FBXL2: variants seen among roughly 807,000 people sequenced by gnomAD.
FBXL2 encodes F-box and leucine rich repeat protein 2.
A neutral mutation model predicts 69.2 loss-of-function variants in FBXL2; 38 were observed. The ratio of observed to expected loss-of-function variants is 0.55; its 90% CI spans 0.42 to 0.72. The LOEUF is 0.72. Among genes scored for constraint, FBXL2 ranks in the 30% least tolerant of loss-of-function variants. FBXL2 has a pLI of 0.00. For synonymous variants in FBXL2, 192 were observed against 201.3 expected, an observed-to-expected ratio of 0.95 and a Z score of 0.39; for missense variants, 354 against 520.3, an observed-to-expected ratio of 0.68 and a Z score of 3.11.
intron 1 of FBXL2, among the ~76,000 whole-genome samples, chr3:33,290,476 C>G (rs2035111171): frequency 6.6e-6 from 1 of 151,752 alleles, no homozygotes; most frequent in Non-Finnish European, 1.5e-5. Context: ...CAGTGATGGC[C>G]CAGATGTTGA....
At chr3:33,339,563 G>A (rs1471076060) in intron 2 of FBXL2, among the ~76,000 whole-genome samples, 1 of 152,284 alleles carries the variant, frequency 6.6e-6, no homozygotes, top group East Asian at 1.9e-4. Flanking sequence ...TGGAGGGTAA[G>A]AGGAGGGTGA....
intron 2 of FBXL2, among the ~76,000 whole-genome samples, chr3:33,351,340 A>G (rs1441777212): frequency 6.6e-6 from 1 of 152,216 alleles, no homozygotes; most frequent in Non-Finnish European, 1.5e-5. Context: ...TAACATTAAT[A>G]TTACAAAAGT....
intron 2 of FBXL2, among the ~76,000 whole-genome samples, chr3:33,310,764 A>T (rs1370695358): frequency 1.3e-5 from 2 of 151,474 alleles, no homozygotes; most frequent in African/African-American, 4.9e-5. Context: ...GGTTTTTTTA[A>T]AAAAAATTAT....
chr3:33,291,826 A>C (rs946032354), intron 1 of FBXL2, among the ~76,000 whole-genome samples: 10 of 152,226 alleles, frequency 6.6e-5, no homozygotes. Context: ...AAAATCAACC[A>C]TGTCAGTAAT....
At chr3:33,417,961 G>A in the FBXL2 span, among the ~76,000 whole-genome samples, 6 of 152,118 alleles carry the variant, frequency 3.9e-5, no homozygotes, top group African/African-American at 9.7e-5. Flanking sequence ...CTGTTACAAA[G>A]AAAAGTTGCT....
At chr3:33,403,228 T>C (rs764064413) in intron 12 of FBXL2, 25 of 252,410 alleles carry the variant, frequency 9.9e-5, no homozygotes, top group Admixed American at 6.4e-4. Flanking sequence ...GTATCCTCTT[T>C]ATCAGTTTCC....
chr3:33,375,389 A>T lies in FBXL2; in HGVS notation c.759A>T (p.Thr253=). 6.2e-7 allele frequency: 1 copy of T among 1,614,168 alleles called. No individual in the cohort carries two copies. The highest frequency in any genetic ancestry group is 1.1e-5 in the South Asian group (1 of 91,084). Residue 253 remains threonine (T), a synonymous_variant, in exon 10 of 15, where the codon ACA becomes ACT. Coordinates refer to ENST00000484457, the MANE Select transcript of FBXL2 (RefSeq NM_012157.5). ...GCSNLTDASL[T]ALGLNCPRLQ... is the part of the protein sequence containing the mutation. ...GCAACCTCACAGATGCCTCTCTTAC[A>T]GCCCTGGGTTTGAACTGTCCGCGAC...
chr3:33,401,095 C>A, intron 12 of FBXL2: 1 of 1,351,440 alleles, frequency 7.4e-7, no homozygotes, highest in Non-Finnish European at 1.0e-6. Flanking sequence ...AAAGCTGTTG[C>A]ATTGTAACTA....
chr3:33,352,076 T>TAAAGC (rs2040865724), intron 2 of FBXL2, among the ~76,000 whole-genome samples: 1 of 152,070 alleles, frequency 6.6e-6, no homozygotes, highest in Non-Finnish European at 1.5e-5. Context: ...ATTTTAAGAC[T>TAAAGC]TAGTATAAAG....
intron 5 of FBXL2, among the ~76,000 whole-genome samples, chr3:33,372,093 T>A (rs2042337848): frequency 1.3e-5 from 2 of 152,104 alleles, no homozygotes; most frequent in Admixed American, 1.3e-4. Flanking sequence ...CTGAATTCTT[T>A]TTGTTGTTGT....
chr3:33,318,776 G>A (rs1476995287), intron 2 of FBXL2, among the ~76,000 whole-genome samples: 2 of 152,136 alleles, frequency 1.3e-5, no homozygotes, highest in Non-Finnish European at 1.5e-5. Context: ...AATAGAATTC[G>A]GTGTGTGAAA....
chr3:33,312,036 A>G (rs936431238), intron 2 of FBXL2, among the ~76,000 whole-genome samples: 1 of 152,106 alleles, frequency 6.6e-6, no homozygotes, highest in Non-Finnish European at 1.5e-5. Context: ...TGCAATATAG[A>G]TAGACAACTA....
chr3:33,283,308 T>C (rs2034234968), intron 1 of FBXL2, among the ~76,000 whole-genome samples: 1 of 152,214 alleles, frequency 6.6e-6, no homozygotes, highest in Admixed American at 6.5e-5. Flanking sequence ...GAGATAATCA[T>C]GTGGTTTTTG....
intron 2 of FBXL2, among the ~76,000 whole-genome samples, chr3:33,330,576 C>T (rs904213498): frequency 2.6e-5 from 4 of 152,056 alleles, no homozygotes; most frequent in South Asian, 4.2e-4. Context: ...GATCTTTACA[C>T]GTTATATGAA....
intron 2 of FBXL2, among the ~76,000 whole-genome samples, chr3:33,337,650 AG>A (rs2125845432): frequency 6.6e-6 from 1 of 152,356 alleles, no homozygotes; most frequent in African/African-American, 2.4e-5. Context: ...AAAGGGATCC[AG>A]GTAGGAAGAA....
intron 9 of FBXL2, 106 bp from the exon 10 acceptor site, chr3:33,375,182 T>A: frequency 7.2e-7 from 1 of 1,380,868 alleles, no homozygotes; most frequent in African/African-American, 1.4e-5. Flanking sequence ...GATAAAATGC[T>A]AGTAATCAGC....
At chr3:33,396,682 C>T (rs932551254) in intron 12 of FBXL2, 2 of 431,582 alleles carry the variant, frequency 4.6e-6, no homozygotes, top group East Asian at 1.1e-4. Flanking sequence ...AATTAGTTTA[C>T]ATTTTTAATA....
At chr3:33,285,507 C>A (rs1169135230) in intron 1 of FBXL2, among the ~76,000 whole-genome samples, 3 of 152,180 alleles carry the variant, frequency 2.0e-5, no homozygotes, top group African/African-American at 7.2e-5. Context: ...GTGAATCTGA[C>A]AATTATGTGT....
intron 2 of FBXL2, among the ~76,000 whole-genome samples, chr3:33,298,359 T>C (rs2035933697): frequency 1.3e-5 from 2 of 152,304 alleles, no homozygotes; most frequent in Admixed American, 1.3e-4. Context: ...TCTTTAGTAT[T>C]ATGCAATCAT....
Sources: gnomAD v4.1 joint callset for allele counts (sites outside exome capture counted in the v4.1 genomes callset) on GRCh38, gnomAD v4.1.1 for gene constraint, MANE v1.5 for transcripts, NCBI Gene and HGNC (gene_info 2026-07-23, HGNC 2026-07-21) for gene names.